The following TTC29 variants were observed in gnomAD, a reference collection of about 807,000 sequenced individuals.
The protein encoded by TTC29 is tetratricopeptide repeat protein 29.
In TTC29, 49 loss-of-function variants were observed where a neutral mutation model predicts 58.1. That is an observed-to-expected ratio of 0.84 (90% confidence interval 0.67 to 1.07). The LOEUF (loss-of-function observed/expected upper bound fraction) is 1.07. Ranked by LOEUF, TTC29 falls within the 50% of genes least tolerant of loss-of-function variation. The pLI is 0.00. For synonymous variants in TTC29, 209 were observed against 196.8 expected (o/e 1.06, Z -0.52); for missense variants, 582 against 555.6 (o/e 1.05, Z -0.48).
At chr4:146,924,828 T>C (rs574629597) in intron 4 of TTC29, among the ~76,000 whole-genome samples, 1 of 152,140 alleles carries the variant, frequency 6.6e-6, no homozygotes, top group South Asian at 2.1e-4. Context: ...TTTATATTTT[T>C]CTAATACAAG....
intron 7 of TTC29, among the ~76,000 whole-genome samples, chr4:146,867,992 A>T (rs1394468270): frequency 6.6e-6 from 1 of 152,172 alleles, no homozygotes; most frequent in African/African-American, 2.4e-5. Context: ...TACATACATA[A>T]AACAACTGAT....
intron 7 of TTC29, among the ~76,000 whole-genome samples, chr4:146,874,308 T>C (rs2150221729): frequency 6.6e-6 from 1 of 152,262 alleles, no homozygotes; most frequent in Middle Eastern, 3.4e-3. Context: ...AATAACTAAA[T>C]ATATATCATA....
At chr4:146,805,638 G>C (rs1044254581) in intron 10 of TTC29, among the ~76,000 whole-genome samples, 4 of 151,824 alleles carry the variant, frequency 2.6e-5, no homozygotes, top group African/African-American at 9.7e-5. Flanking sequence ...AAGGATATCA[G>C]GGATTGAAGA....
chr4:146,860,677 A>T (rs1013688816), intron 8 of TTC29, among the ~76,000 whole-genome samples: 2 of 152,188 alleles, frequency 1.3e-5, no homozygotes, highest in Admixed American at 6.5e-5. Flanking sequence ...ATAATTGAAA[A>T]CTTACAAATT....
intron 5 of TTC29, among the ~76,000 whole-genome samples, chr4:146,904,176 A>C (rs1178918959): frequency 6.6e-6 from 1 of 152,212 alleles, no homozygotes; most frequent in Non-Finnish European, 1.5e-5. Flanking sequence ...AAGAGAGCAA[A>C]ATGGATATGA....
chr4:146,800,288 C>G (rs1305838664), intron 11 of TTC29, among the ~76,000 whole-genome samples: 4 of 152,190 alleles, frequency 2.6e-5, no homozygotes, highest in African/African-American at 9.6e-5. Context: ...TCTCACTGCT[C>G]TATTCCCTTA....
chr4:146,874,888 A>G lies in TTC29; in HGVS notation c.627T>C (p.His209=). Residue 209 remains histidine, a synonymous_variant, in exon 7 of 13, where the codon CAT becomes CAC. Coordinates refer to ENST00000325106, the MANE Select transcript of TTC29 (RefSeq NM_031956.4). ...LEAAEHYEAF[H]QLTQGRIWKD... ...TCCATATCCGCCCCTGTGTCAATTGATGGAATGCTTCATAATGCTCAGCAG... is the reference window on the plus strand; with the variant it reads ...TCCATATCCGCCCCTGTGTCAATTGGTGGAATGCTTCATAATGCTCAGCAG... 1 of 1,613,536 alleles carries G rather than the reference A, an allele frequency of 6.2e-7. No individual in the cohort carries two copies. The highest frequency in any genetic ancestry group is 8.5e-7 in the Non-Finnish European group (1 of 1,179,696).
chr4:146,888,563 T>C (rs1732144225), intron 6 of TTC29, among the ~76,000 whole-genome samples: 1 of 152,178 alleles, frequency 6.6e-6, no homozygotes, highest in Non-Finnish European at 1.5e-5. Flanking sequence ...GCAGCATTTA[T>C]ACAGGCCCAT....
At chr4:146,790,786 T>G (rs1749392533) in intron 11 of TTC29, among the ~76,000 whole-genome samples, 1 of 152,166 alleles carries the variant, frequency 6.6e-6, no homozygotes, top group South Asian at 2.1e-4. Context: ...CTGTGCAGAA[T>G]CCCACTCAGC....
At chr4:146,808,823 C>A (rs1473393727) in intron 10 of TTC29, among the ~76,000 whole-genome samples, 1 of 152,126 alleles carries the variant, frequency 6.6e-6, no homozygotes, top group Non-Finnish European at 1.5e-5. Flanking sequence ...AAGTAATTTA[C>A]AGATCCAATG....
At position 146,782,988 on chromosome 4, in the gene TTC29, G is replaced by A. The variant is rs149365748; in HGVS notation, c.1330+20469C>T. ...AGGAAGCAGTTCAGCATCAAAAGCAGTTGAAGTATAACTCAAATTCTTCAC... is the reference window on the plus strand; with the variant it reads ...AGGAAGCAGTTCAGCATCAAAAGCAATTGAAGTATAACTCAAATTCTTCAC... On this transcript the variant is annotated intron_variant, in intron 11 of 12. Coordinates refer to ENST00000325106, the MANE Select transcript of TTC29 (RefSeq NM_031956.4). Among the ~76,000 whole-genome samples, 6 of 152,058 alleles carry A rather than the reference G, an allele frequency of 3.9e-5. No homozygotes were observed. The East Asian group carries it at 9.7e-4, about 24-fold the overall frequency.
chr4:146,836,526 G>A (rs1383762392), intron 8 of TTC29, among the ~76,000 whole-genome samples: 1 of 151,974 alleles, frequency 6.6e-6, no homozygotes, highest in East Asian at 1.9e-4. Context: ...CCAGTGCATT[G>A]GTGAATTGTG....
chr4:146,918,905 T>TA (rs1397178412), intron 4 of TTC29, among the ~76,000 whole-genome samples: 2 of 150,982 alleles, frequency 1.3e-5, no homozygotes, highest in African/African-American at 4.8e-5. Context: ...TTTTAAGACT[T>TA]AAAAAAATAC....
intron 2 of TTC29, chr4:146,942,803 T>C (rs1383867377): frequency 1.2e-5 from 6 of 520,398 alleles, no homozygotes; most frequent in East Asian, 2.9e-5. Context: ...CAAAGCATTA[T>C]GCAGTGGGCA....
chr4:146,725,276 G>A (rs1210860527), intron 11 of TTC29, among the ~76,000 whole-genome samples: 1 of 152,202 alleles, frequency 6.6e-6, no homozygotes, highest in Non-Finnish European at 1.5e-5. Context: ...GATCACACCT[G>A]TAATCCCAGC....
chr4:146,842,658 A>AT (rs1423876368), intron 8 of TTC29, among the ~76,000 whole-genome samples: 3 of 152,078 alleles, frequency 2.0e-5, no homozygotes, highest in South Asian at 2.1e-4. Flanking sequence ...CCCAGGGTAC[A>AT]TTTTTTACCC....
intron 6 of TTC29, among the ~76,000 whole-genome samples, chr4:146,889,888 A>C (rs1732234616): frequency 6.6e-6 from 1 of 152,160 alleles, no homozygotes; most frequent in African/African-American, 2.4e-5. Context: ...TTTGAAAATC[A>C]TCTTTTATTA....
intron 6 of TTC29, among the ~76,000 whole-genome samples, chr4:146,875,709 A>G (rs1157176058): frequency 1.3e-5 from 2 of 152,180 alleles, no homozygotes; most frequent in African/African-American, 4.8e-5. Flanking sequence ...GGACTTTCCA[A>G]TGAGGTTTTT....
intron 11 of TTC29, among the ~76,000 whole-genome samples, chr4:146,782,117 ATCTT>A (rs946878179): frequency 1.2e-4 from 18 of 151,874 alleles, no homozygotes; most frequent in Admixed American, 9.2e-4. Context: ...TACAAATTCT[ATCTT>A]TATTTTTATT....
Sources: allele counts gnomAD v4.1 joint callset (sites outside exome capture counted in the v4.1 genomes callset), GRCh38; gene constraint gnomAD v4.1.1; transcripts MANE v1.5; gene names NCBI Gene and HGNC (gene_info 2026-07-23, HGNC 2026-07-21).